Variants in MTPAP observed in about 807,000 individuals in gnomAD.
MTPAP encodes the protein poly(A) RNA polymerase, mitochondrial.
A neutral mutation model predicts 48.7 loss-of-function variants in MTPAP; 23 were observed. That is an observed-to-expected ratio of 0.47 (90% CI 0.34 to 0.67). MTPAP has a LOEUF of 0.67. Among genes scored for constraint, MTPAP ranks in the 30% least tolerant of loss-of-function variants. The pLI, the probability that MTPAP is intolerant of heterozygous loss-of-function variation, is 0.01. For synonymous variants in MTPAP, 257 were observed against 254.1 expected (o/e 1.01, Z -0.11); for missense variants, 614 against 694.3 (o/e 0.88, Z 1.30).
At position 30,322,587 on chromosome 10, in the gene MTPAP, A is replaced by G. The variant is rs1840738345; in HGVS notation, c.1023T>C (p.Tyr341=). 2 of 1,613,918 alleles carry G rather than the reference A, an allele frequency of 1.2e-6. No individual in the cohort carries two copies. The highest frequency in any genetic ancestry group is 1.7e-6 in the Non-Finnish European group (2 of 1,179,864). Residue 341 remains tyrosine (Y), a synonymous_variant, in exon 6 of 9, where the codon TAT becomes TAC. Coordinates refer to ENST00000263063, the MANE Select transcript of MTPAP (RefSeq NM_018109.4). Reference sequence around the variant, plus strand: ...CTCTTGAGTCTAGGGCACCATATATATAAAGGAGTTCGGAACTTGTCAAGG... The same window carrying G: ...CTCTTGAGTCTAGGGCACCATATATGTAAAGGAGTTCGGAACTTGTCAAGG... ...RIALTSSELL[Y]IYGALDSRVR...
intron 5 of MTPAP, 124 bp from the exon 6 acceptor site, chr10:30,322,741 T>A (rs761659560): frequency 1.4e-6 from 1 of 706,600 alleles, no homozygotes; most frequent in Non-Finnish European, 2.4e-6. Context: ...CAGAACATCA[T>A]TAGGTAATCA....
chr10:30,315,918 G>A, intron 8 of MTPAP, 45 bp downstream of exon 8: 1 of 1,472,364 alleles, frequency 6.8e-7, no homozygotes, highest in Non-Finnish European at 9.4e-7. Flanking sequence ...TATTAGTACA[G>A]TGGAAGACCA....
rs1408740823 is a variant in MTPAP, at chr10:30,310,546, A to T, written c.*3063T>A. Reference sequence around the variant, plus strand: ...GGTTTCAGTGAGCCAAGATCACTGCACTCTCCAGCCTGGGTGACAGAGGGA... The same window carrying T: ...GGTTTCAGTGAGCCAAGATCACTGCTCTCTCCAGCCTGGGTGACAGAGGGA... On this transcript the variant is annotated 3_prime_UTR_variant, in exon 9 of 9. Transcript: ENST00000263063. 7.1e-6 allele frequency: 1 copy of T among 141,182 alleles called. No homozygotes were observed. Among genetic ancestry groups the T allele is most frequent in the Non-Finnish European group, 1.5e-5 (1 of 66,474 alleles). The allele number at this position is 141,182 out of a possible 1,614,324, so 8.7% of individuals were successfully genotyped here.
At chr10:30,340,945 C>G (rs376339050) in intron 2 of MTPAP, among the ~76,000 whole-genome samples, 23 of 151,206 alleles carry the variant, frequency 1.5e-4, no homozygotes, top group African/African-American at 5.6e-4. Flanking sequence ...AACCTTAAAA[C>G]AATGTTAGTT....
rs540009676 is a variant in MTPAP at position 30,309,974 on chromosome 10, T to G, written c.*3635A>C. The G allele has an allele frequency of 5.3e-5, 8 of 152,340 alleles. No individual in the cohort carries two copies. The highest frequency in any genetic ancestry group is 1.9e-4 in the African/African-American group (8 of 41,578). 9.4% of individuals were successfully genotyped at this position (152,340 alleles called of 1,614,324 possible). A position where few individuals can be genotyped will look rare whatever the true frequency, so the allele number is the denominator to read the frequency against. ...ATAATAGCTCCAGGAATTATACTAGTGGGCTATAGCTGAAATCGTTTTGAT... is the reference window on the plus strand; with the variant it reads ...ATAATAGCTCCAGGAATTATACTAGGGGGCTATAGCTGAAATCGTTTTGAT... On this transcript the variant is annotated 3_prime_UTR_variant, in exon 9 of 9. Coordinates refer to ENST00000263063, the MANE Select transcript of MTPAP (RefSeq NM_018109.4).
At chr10:30,342,280 A>G (rs867734937) in intron 1 of MTPAP, among the ~76,000 whole-genome samples, 6 of 152,160 alleles carry the variant, frequency 3.9e-5, no homozygotes, top group African/African-American at 1.4e-4. Flanking sequence ...ATGAAATAGA[A>G]CAATTCTAAT....
At chr10:30,343,144 T>A (rs1329848162) in intron 1 of MTPAP, among the ~76,000 whole-genome samples, 6 of 152,134 alleles carry the variant, frequency 3.9e-5, no homozygotes, top group Non-Finnish European at 7.4e-5. Flanking sequence ...AACCACCAAG[T>A]CTGATATCAA....
At position 30,328,970 on chromosome 10, in the gene MTPAP, G is replaced by A. The variant is rs144645465; in HGVS notation, c.781-2335C>T. On this transcript the variant is annotated intron_variant, in intron 4 of 8. Coordinates refer to ENST00000263063, the MANE Select transcript of MTPAP (RefSeq NM_018109.4). The stretch of plus-strand genomic sequence containing the variant: ...TTGTTTTTGAAACAGGGTATCATAG[G>A]CTGCCTGTGGTGGCTGTAATCCCAA... Among the ~76,000 whole-genome samples, 590 of 152,138 alleles carry A rather than the reference G, an allele frequency of 3.9e-3. 3 individuals carry two copies. The highest frequency in any genetic ancestry group is 0.013 in the African/African-American group (541 of 41,520).
chr10:30,337,706 A>T (rs1409207494), intron 3 of MTPAP, among the ~76,000 whole-genome samples: 1 of 152,224 alleles, frequency 6.6e-6, no homozygotes, highest in Non-Finnish European at 1.5e-5. Flanking sequence ...AAGAAAATGA[A>T]AGTAGTAAAG....
Position 30,348,909 on chromosome 10 carries a change from C to A in MTPAP, c.157+210G>T, listed in dbSNP as rs1588724873. On this transcript the variant is annotated intron_variant, in intron 1 of 8. Transcript: ENST00000263063. ...CCATTACTGTACACAGGAGTCGCCC[C>A]AAACAAACATCACACATCTCACTTC... 7.6e-6 allele frequency: 5 copies of A among 662,016 alleles called. No homozygotes were observed. In the East Asian group the frequency reaches 1.1e-4, roughly 15 times the overall value. The allele number at this position is 662,016 out of a possible 1,614,324, so 41.0% of individuals were successfully genotyped here.
Position 30,316,134 on chromosome 10 carries a change from C to G in MTPAP, c.1296G>C (p.Gln432His). The G allele has an allele frequency of 6.2e-7, 1 of 1,613,734 alleles. No homozygotes were observed. Among genetic ancestry groups the G allele is most frequent in the East Asian group, 2.2e-5 (1 of 44,876 alleles). Residue 432 changes from glutamine to histidine, a missense_variant, in exon 7 of 9, where the codon CAG becomes CAC. By Grantham distance (24) the Gln-to-His change is conservative. This residue lies in a region of MTPAP where 261 missense variants were observed against 355.4 expected (regional missense o/e 0.73). Coordinates refer to ENST00000263063, the MANE Select transcript of MTPAP (RefSeq NM_018109.4). ...GACACTTACCTAATGTTTCTGTGTT[C>G]TGTGAAGGTTTAATTCTACTCAAGT... is the stretch of plus-strand genomic sequence containing the variant. ...VRDLSRIKPS[Q>H]NTETLELLLK... is the part of the protein sequence containing the mutation.
In MTPAP at chr10:30,341,653, C is replaced by T. The variant is rs747487983; in HGVS notation, c.158-13G>A. ...TTGTCTTCAAAGCCTATGAACGAGA[C>T]AAAAACATTTCCACCACACGCACAC... On this transcript the variant is annotated splice_polypyrimidine_tract_variant and intron_variant, in intron 1 of 8. Coordinates refer to ENST00000263063, the MANE Select transcript of MTPAP (RefSeq NM_018109.4). The T allele has an allele frequency of 1.2e-6, 2 of 1,613,424 alleles. No individual in the cohort carries two copies. The highest frequency in any genetic ancestry group is 2.2e-5 in the South Asian group (2 of 91,076).
rs1840612423 is a variant in MTPAP, at chr10:30,312,807, G to A, written c.*802C>T. 1 of 151,966 alleles carries A rather than the reference G, an allele frequency of 6.6e-6. No individual in the cohort carries two copies. The highest frequency in any genetic ancestry group is 2.4e-5 in the African/African-American group (1 of 41,354). The allele number at this position is 151,966 out of a possible 1,614,324, so 9.4% of individuals were successfully genotyped here. A position where few individuals can be genotyped will look rare whatever the true frequency, so the allele number is the denominator to read the frequency against. ...GGGAGTTCTCAAAAGAGATGTGAAGGAATACTGGGAATATCACATTTTAGT... is the reference window on the plus strand; with the variant it reads ...GGGAGTTCTCAAAAGAGATGTGAAGAAATACTGGGAATATCACATTTTAGT... On this transcript the variant is annotated 3_prime_UTR_variant, in exon 9 of 9. Coordinates refer to ENST00000263063, the MANE Select transcript of MTPAP (RefSeq NM_018109.4).
intron 6 of MTPAP, among the ~76,000 whole-genome samples, chr10:30,318,563 A>C (rs985176057): frequency 1.3e-5 from 2 of 152,202 alleles, no homozygotes; most frequent in Non-Finnish European, 2.9e-5. Flanking sequence ...ACAGAAGTAA[A>C]TGTAACAAAA....
chr10:30,327,948 G>A (rs11007986), intron 4 of MTPAP, among the ~76,000 whole-genome samples: 3,815 of 151,824 alleles, frequency 0.025, 143 homozygotes, highest in African/African-American at 0.087. Context: ...ATGCTTTTAC[G>A]ATCTTAGAAT....
At chr10:30,329,860 G>A (rs2484288) in intron 4 of MTPAP, among the ~76,000 whole-genome samples, 147,482 of 152,134 alleles carry the variant, frequency 0.97, 71,634 homozygotes, top group East Asian at 1. Context: ...AGTATTTTGC[G>A]GCCACTGAGG....
chr10:30,317,635 C>A (rs369776337), intron 6 of MTPAP, among the ~76,000 whole-genome samples: 55 of 152,306 alleles, frequency 3.6e-4, no homozygotes, highest in African/African-American at 1.2e-3. Flanking sequence ...GAAAGCATTT[C>A]ATAATTCCAA....
At chr10:30,349,022 G>A (rs542123398) in intron 1 of MTPAP, 97 bp downstream of exon 1, 3 of 1,569,328 alleles carry the variant, frequency 1.9e-6, no homozygotes, top group African/African-American at 1.4e-5. Flanking sequence ...TCTTGCCAAA[G>A]GGTCCACAGC....
chr10:30,341,893 C>T (rs915208343), intron 1 of MTPAP, among the ~76,000 whole-genome samples: 1 of 152,144 alleles, frequency 6.6e-6, no homozygotes, highest in Non-Finnish European at 1.5e-5. Flanking sequence ...TTTTATCCTA[C>T]ACATACATTG....
Sources: gnomAD v4.1 joint callset for allele counts (sites outside exome capture counted in the v4.1 genomes callset) on GRCh38, gnomAD v4.1.1 for gene constraint, gnomAD v4.1.1 regional missense constraint, MANE v1.5 for transcripts, NCBI Gene and HGNC (gene_info 2026-07-23, HGNC 2026-07-21) for gene names.